The following SPECC1 variants were observed in gnomAD, a reference collection of about 807,000 sequenced individuals.
SPECC1 encodes the protein cytospin-B.
SPECC1 carries 62 observed loss-of-function variants against 104.1 expected under a neutral mutation model. The ratio of observed to expected loss-of-function variants is 0.60; its 90% CI spans 0.49 to 0.74. SPECC1 has a LOEUF of 0.74. SPECC1 is among the 30% of genes least tolerant of loss of function. SPECC1 has a pLI of 0.00. For missense variants in SPECC1, 1,306 were observed against 1,310.5 expected (o/e 1.00, Z 0.05); for synonymous variants, 513 against 501.6 (o/e 1.02, Z -0.30).
chr17:20,283,666 A>G (rs897508517), intron 12 of SPECC1, among the ~76,000 whole-genome samples: 1 of 152,038 alleles, frequency 6.6e-6, no homozygotes, highest in Non-Finnish European at 1.5e-5. Flanking sequence ...GGCTCACCTC[A>G]ACCTCTGCCT....
At chr17:20,242,317 A>G (rs1006708056) in intron 7 of SPECC1, among the ~76,000 whole-genome samples, 4 of 152,258 alleles carry the variant, frequency 2.6e-5, no homozygotes, top group African/African-American at 9.6e-5. Flanking sequence ...TTAAAGGGAA[A>G]TAATTAGAGA....
intron 10 of SPECC1, 23 bp from the exon 11 acceptor site, chr17:20,257,428 T>A: frequency 1.3e-6 from 2 of 1,550,712 alleles, no homozygotes; most frequent in Non-Finnish European, 1.7e-6. Context: ...TGGGAATGAG[T>A]GATTATGTGG....
intron 3 of SPECC1, among the ~76,000 whole-genome samples, chr17:20,134,216 A>G (rs1232320500): frequency 6.6e-6 from 1 of 151,830 alleles, no homozygotes; most frequent in African/African-American, 2.4e-5. Context: ...GGTTCTTTCT[A>G]GCCTTGCCCC....
chr17:20,132,819 A>C (rs1282932174), intron 3 of SPECC1, among the ~76,000 whole-genome samples: 2 of 151,896 alleles, frequency 1.3e-5, no homozygotes, highest in Non-Finnish European at 2.9e-5. Context: ...GGCTCACTGC[A>C]AGCTCCACCT....
chr17:20,126,351 T>G (rs1226548312), intron 3 of SPECC1: 1 of 152,162 alleles, frequency 6.6e-6, no homozygotes, highest in African/African-American at 2.4e-5. Context: ...CTATTGTGAA[T>G]GGGATTCTTT....
chr17:20,160,435 A>C (rs542627361), intron 3 of SPECC1, among the ~76,000 whole-genome samples: 1 of 152,140 alleles, frequency 6.6e-6, no homozygotes, highest in Non-Finnish European at 1.5e-5. Flanking sequence ...GGCCAGACTC[A>C]GTCACAGAGA....
At chr17:20,310,618 CAT>C (rs1204881750) in intron 14 of SPECC1, among the ~76,000 whole-genome samples, 4 of 152,326 alleles carry the variant, frequency 2.6e-5, no homozygotes, top group Admixed American at 6.5e-5. Flanking sequence ...ACGGCCAAAA[CAT>C]GTGTCCCCAG....
chr17:20,144,188 T>C (rs1246071080), intron 3 of SPECC1, among the ~76,000 whole-genome samples: 3 of 136,924 alleles, frequency 2.2e-5, no homozygotes, highest in African/African-American at 8.4e-5. Context: ...TTTTTTTTTT[T>C]TTTTTTTTTT....
chr17:20,086,635 C>T (rs2047188028), intron 1 of SPECC1, among the ~76,000 whole-genome samples: 2 of 152,134 alleles, frequency 1.3e-5, no homozygotes, highest in African/African-American at 2.4e-5. Context: ...TTTTATCTTC[C>T]TCTGGACCAG....
intron 3 of SPECC1, among the ~76,000 whole-genome samples, chr17:20,182,097 T>C (rs2034932875): frequency 8.5e-6 from 1 of 117,926 alleles, no homozygotes; most frequent in African/African-American, 3.8e-5. Flanking sequence ...CAAACCTCAA[T>C]TTTTTCTTTT....
chr17:20,309,465 T>C (rs2041865465), intron 14 of SPECC1, among the ~76,000 whole-genome samples: 1 of 152,230 alleles, frequency 6.6e-6, no homozygotes, highest in Admixed American at 6.5e-5. Context: ...GTACACTGGA[T>C]GATGCTGAGG....
chr17:20,021,371 C>T (rs2044368240), intron 1 of SPECC1, among the ~76,000 whole-genome samples: 1 of 152,048 alleles, frequency 6.6e-6, no homozygotes. Flanking sequence ...CACTCACCAC[C>T]CATCTCTGTT....
chr17:20,260,167 A>G, intron 11 of SPECC1, 25 bp from the exon 12 acceptor site: 2 of 1,586,246 alleles, frequency 1.3e-6, no homozygotes, highest in Non-Finnish European at 1.7e-6. Context: ...TCTTCTCCTT[A>G]CCATGTGCTC....
chr17:20,019,807 G>T (rs902133441), intron 1 of SPECC1, among the ~76,000 whole-genome samples: 6 of 152,100 alleles, frequency 3.9e-5, no homozygotes, highest in Non-Finnish European at 5.9e-5. Context: ...ATCCATGTTG[G>T]TCTTTCTTCC....
chr17:20,094,772 G>A (rs1168895628), intron 1 of SPECC1, among the ~76,000 whole-genome samples: 2 of 151,766 alleles, frequency 1.3e-5, no homozygotes, highest in Non-Finnish European at 1.5e-5. Context: ...GCTAATTTTT[G>A]TATTTTTTGT....
chr17:20,295,207 T>C (rs966172199), intron 12 of SPECC1, among the ~76,000 whole-genome samples: 2 of 131,862 alleles, frequency 1.5e-5, no homozygotes, highest in African/African-American at 2.9e-5. Context: ...TGTGTGTTGT[T>C]CCCTACCCTG....
intron 12 of SPECC1, among the ~76,000 whole-genome samples, chr17:20,292,246 A>G (rs1212363933): frequency 6.6e-5 from 10 of 152,014 alleles, no homozygotes. Context: ...TCACCTTCCC[A>G]GGGTTTGATG....
chr17:20,234,674 A>G (rs2038801448), intron 7 of SPECC1, among the ~76,000 whole-genome samples: 1 of 152,204 alleles, frequency 6.6e-6, no homozygotes, highest in Non-Finnish European at 1.5e-5. Context: ...GTCCTCAAGG[A>G]CAACTGAGAG....
intron 1 of SPECC1, among the ~76,000 whole-genome samples, chr17:20,089,165 C>T (rs1232512644): frequency 1.3e-5 from 2 of 152,300 alleles, no homozygotes; most frequent in South Asian, 2.1e-4. Flanking sequence ...CTGAGGGTCC[C>T]GTTGGGGGAG....
Sources: gnomAD v4.1 joint callset for allele counts (sites outside exome capture counted in the v4.1 genomes callset) on GRCh38, gnomAD v4.1.1 for gene constraint, MANE v1.5 for transcripts, NCBI Gene and HGNC (gene_info 2026-07-23, HGNC 2026-07-21) for gene names.